Variants in MASP1 observed in about 807,000 individuals in gnomAD.
The protein encoded by MASP1 is mannan-binding lectin serine protease 1.
Under a neutral mutation model 77.1 loss-of-function variants are expected in MASP1, and 59 were observed. The ratio of observed to expected loss-of-function variants is 0.77; its 90% CI spans 0.62 to 0.95. The LOEUF is 0.95. Among genes scored for constraint, MASP1 ranks in the 40% least tolerant of loss-of-function variants. The probability of loss-of-function intolerance (pLI) is 0.00; values close to 1 mark genes in which losing one functional copy is unlikely to be tolerated. For synonymous variants in MASP1, 362 were observed against 354.5 expected, an observed-to-expected ratio of 1.02 and a Z score of -0.24; for missense variants, 885 against 912.9, an observed-to-expected ratio of 0.97 and a Z score of 0.39.
At position 187,289,453 on chromosome 3, in the gene MASP1, G is replaced by C. The variant is rs555251328; in HGVS notation, c.5+2175C>G. ...TGGTGAATTAACTTCAACAGAAGAA[G>C]GGAATAAAAAGAGCTCACAGAAGAA... On this transcript the variant is annotated intron_variant, in intron 1 of 10. Coordinates refer to ENST00000296280, the MANE Select transcript of MASP1 (RefSeq NM_139125.4). 1.9e-4 allele frequency among the ~76,000 whole-genome samples: 29 copies of C among 152,308 alleles called. No homozygotes were observed. In the East Asian group the frequency reaches 5.2e-3, roughly 27 times the overall value.
chr3:187,283,426 C>CTT (rs1356023533), intron 2 of MASP1, among the ~76,000 whole-genome samples: 5 of 152,290 alleles, frequency 3.3e-5, no homozygotes, highest in African/African-American at 9.6e-5. Flanking sequence ...TAAATCCTCT[C>CTT]TTGTGTGTTT....
In MASP1 at chr3:187,259,474, T is replaced by A. The variant is rs528770882; in HGVS notation, c.547+1267A>T. Among the ~76,000 whole-genome samples, 11 of 152,254 alleles carry A rather than the reference T, an allele frequency of 7.2e-5. No homozygotes were observed. The South Asian group carries it at 1.2e-3, about 17-fold the overall frequency. ...ATACAGTACATAAACAGATATATAG[T>A]CTATCTGTGATATTAAAATTTCATG... On this transcript the variant is annotated intron_variant, in intron 4 of 10. Coordinates refer to ENST00000296280, the MANE Select transcript of MASP1 (RefSeq NM_139125.4).
At chr3:187,281,201 C>G (rs929442673) in intron 2 of MASP1, among the ~76,000 whole-genome samples, 1 of 152,174 alleles carries the variant, frequency 6.6e-6, no homozygotes, top group African/African-American at 2.4e-5. Context: ...GTCTTGAAGA[C>G]CAAGAACTGT....
In MASP1 at chr3:187,234,163, A is replaced by C; in HGVS notation, c.*1521T>G. ...GCAGAGGCCCTTTACAGAATGGTGA[A>C]GCATATGATATAAAAGATACAAAAT... On this transcript the variant is annotated 3_prime_UTR_variant, in exon 11 of 11. Coordinates refer to ENST00000296280, the MANE Select transcript of MASP1 (RefSeq NM_139125.4). 7.8e-7 allele frequency: 1 copy of C among 1,287,270 alleles called. No homozygotes were observed. The highest frequency in any genetic ancestry group is 1.0e-6 in the Non-Finnish European group (1 of 988,702). The allele number at this position is 1,287,270 out of a possible 1,614,324, so 79.7% of individuals were successfully genotyped here.
At chr3:187,285,643 T>C (rs1173706484) in intron 2 of MASP1, among the ~76,000 whole-genome samples, 182 bp downstream of exon 2, 1 of 152,136 alleles carries the variant, frequency 6.6e-6, no homozygotes, top group Non-Finnish European at 1.5e-5. Context: ...GTTTCCTTCA[T>C]GGACCTTTCT....
chr3:187,256,089 T>C (rs911665462), intron 5 of MASP1, among the ~76,000 whole-genome samples: 2 of 152,188 alleles, frequency 1.3e-5, no homozygotes, highest in Non-Finnish European at 2.9e-5. Flanking sequence ...AATTATAATA[T>C]TGAAATAACC....
Position 187,224,409 on chromosome 3 carries a change from G to C in MASP1, c.1741+915C>G, listed in dbSNP as rs566875009. 8.4e-4 allele frequency among the ~76,000 whole-genome samples: 124 copies of C among 148,500 alleles called. 5 individuals carry two copies. The highest frequency in any genetic ancestry group is 3.2e-3 in the East Asian group (16 of 5,064). On this transcript the variant is annotated intron_variant, in intron 13 of 15. Transcript: ENST00000337774. ...TCGCCCAGGCTGGAGTGCAGTGGCG[G>C]GATCTCGGCTCACTGCAAGCTCCGC...
chr3:187,285,797 C>T, intron 2 of MASP1, 28 bp downstream of exon 2: 6 of 1,563,124 alleles, frequency 3.8e-6, no homozygotes, highest in African/African-American at 1.4e-5. Context: ...GAGAGCCTGG[C>T]CCAGTTAGGG....
intron 4 of MASP1, 90 bp downstream of exon 4, chr3:187,260,651 A>G (rs1015940143): frequency 1.9e-6 from 3 of 1,561,080 alleles, no homozygotes; most frequent in Non-Finnish European, 1.8e-6. Context: ...ACTTGTTCCT[A>G]TTGCATATCT....
At chr3:187,269,079 A>G (rs2108578018) in intron 2 of MASP1, among the ~76,000 whole-genome samples, 1 of 152,184 alleles carries the variant, frequency 6.6e-6, no homozygotes, top group East Asian at 1.9e-4. Flanking sequence ...AAAAAAAAAA[A>G]AAGATTTTAA....
intron 8 of MASP1, chr3:187,245,120 G>A (rs58116964): frequency 1.3e-5 from 2 of 152,216 alleles, no homozygotes; most frequent in Admixed American, 1.3e-4. Flanking sequence ...TTGTTTTGAT[G>A]ATCCAAAAGT....
chr3:187,247,390 C>T lies in MASP1; in HGVS notation c.1090+2861G>A, dbSNP rs376375860. On this transcript the variant is annotated intron_variant, in intron 8 of 10. Coordinates refer to ENST00000296280, the MANE Select transcript of MASP1 (RefSeq NM_139125.4). ...TCTCCAGATCGATTTCATTTTCTGC[C>T]ACCATGGTGAAGATCAAAGAGGGAT... 53 of 1,614,044 alleles carry T rather than the reference C, an allele frequency of 3.3e-5. No individual in the cohort carries two copies. In the African/African-American group the frequency reaches 3.6e-4, roughly 11 times the overall value.
Position 187,260,771 on chromosome 3 carries a change from T to A in MASP1, c.517A>T (p.Ile173Phe). 2.5e-6 allele frequency: 4 copies of A among 1,614,182 alleles called. No individual in the cohort carries two copies. The African/African-American group carries it at 5.3e-5, about 22-fold the overall frequency. Reference sequence around the variant, plus strand: ...CAGGTCCTGTTGTCTGTGTGGAGGATGTAGCCGAAGCGGCAGGAGCAGTAG... The same window carrying A: ...CAGGTCCTGTTGTCTGTGTGGAGGAAGTAGCCGAAGCGGCAGGAGCAGTAG... ...GYYCSCRFGY[I>F]LHTDNRTCRV... The change falls in exon 4 of 11, where the codon ATC becomes TTC. Residue 173 changes from isoleucine (I) to phenylalanine (F), a missense_variant. Physicochemically the swap from Ile to Phe is conservative, Grantham distance 21. Transcript: ENST00000296280.
intron 2 of MASP1, among the ~76,000 whole-genome samples, chr3:187,269,300 T>C (rs1202514330): frequency 6.6e-6 from 1 of 152,152 alleles, no homozygotes; most frequent in African/African-American, 2.4e-5. Context: ...GATATGTTTT[T>C]CATCTAGTGG....
chr3:187,271,251 C>T (rs1336192374), intron 2 of MASP1, among the ~76,000 whole-genome samples: 2 of 152,288 alleles, frequency 1.3e-5, no homozygotes, highest in East Asian at 3.9e-4. Flanking sequence ...ATAGATCAGG[C>T]TGTTTTGGAT....
chr3:187,279,478 A>G (rs1367653093), intron 2 of MASP1, among the ~76,000 whole-genome samples: 1 of 152,090 alleles, frequency 6.6e-6, no homozygotes, highest in African/African-American at 2.4e-5. Context: ...ACACCCCCAA[A>G]TCATAGTATA....
chr3:187,264,279 T>C (rs1456539737), intron 2 of MASP1, among the ~76,000 whole-genome samples: 2 of 152,242 alleles, frequency 1.3e-5, no homozygotes, highest in African/African-American at 4.8e-5. Flanking sequence ...ATGGCTTTGC[T>C]ATTTATTCCT....
chr3:187,223,060 T>A, intron 14 of MASP1: 1 of 1,388,966 alleles, frequency 7.2e-7, no homozygotes, highest in Non-Finnish European at 1.0e-6. Flanking sequence ...AAGGGAACAA[T>A]ACGGAGCAGG....
At chr3:187,238,788 C>G (rs887108355) in intron 10 of MASP1, among the ~76,000 whole-genome samples, 1 of 152,196 alleles carries the variant, frequency 6.6e-6, no homozygotes, top group Non-Finnish European at 1.5e-5. Context: ...ATAGTTTTCT[C>G]ATTTATAAAA....
Sources: gnomAD v4.1 joint callset for allele counts (sites outside exome capture counted in the v4.1 genomes callset) on GRCh38, gnomAD v4.1.1 for gene constraint, MANE v1.5 for transcripts, NCBI Gene and HGNC (gene_info 2026-07-23, HGNC 2026-07-21) for gene names.